RHOBTB2: variants seen among roughly 807,000 people sequenced by gnomAD.
The protein encoded by RHOBTB2 is rho-related BTB domain-containing protein 2.
Under a neutral mutation model 66.5 loss-of-function variants are expected in RHOBTB2, and 39 were observed. That is an observed-to-expected ratio of 0.59 (90% CI 0.45 to 0.77). The LOEUF (loss-of-function observed/expected upper bound fraction) is 0.77. Among genes scored for constraint, RHOBTB2 ranks in the 30% least tolerant of loss-of-function variants. The pLI is 0.00. For missense variants in RHOBTB2, 755 were observed against 999.1 expected (o/e 0.76, Z 3.29); for synonymous variants, 390 against 395.0 (o/e 0.99, Z 0.15).
chr8:22,969,327 T>C, the RHOBTB2 span, among the ~76,000 whole-genome samples: 1 of 152,112 alleles, frequency 6.6e-6, no homozygotes, highest in Non-Finnish European at 1.5e-5. Flanking sequence ...GGAGCTATAA[T>C]TCAAGATGAG....
chr8:22,960,573 C>A, the RHOBTB2 span, among the ~76,000 whole-genome samples: 6 of 152,180 alleles, frequency 3.9e-5, no homozygotes, highest in Non-Finnish European at 8.8e-5. Context: ...CTCACCTCAG[C>A]CTCCCAAAGT....
chr8:22,998,965 G>C (rs1467019437), upstream of RHOBTB2: 1 of 152,336 alleles, frequency 6.6e-6, no homozygotes, highest in African/African-American at 2.4e-5. Context: ...AACAGGAGGG[G>C]GATGGGATGG....
chr8:22,960,952 C>T, the RHOBTB2 span, among the ~76,000 whole-genome samples: 1 of 152,234 alleles, frequency 6.6e-6, no homozygotes, highest in Non-Finnish European at 1.5e-5. Context: ...TGATCCCCTA[C>T]TTGTTAGCCT....
upstream of RHOBTB2, among the ~76,000 whole-genome samples, chr8:22,997,781 G>A (rs1443508945): frequency 1.3e-5 from 2 of 152,154 alleles, no homozygotes; most frequent in Non-Finnish European, 2.9e-5. Flanking sequence ...GTGGGTGGAG[G>A]GAACAGGGTG....
At chr8:22,986,140 T>TTCTC (rs58840002), upstream of RHOBTB2, among the ~76,000 whole-genome samples, 395 of 148,002 alleles carry the variant, frequency 2.7e-3, 2 homozygotes, top group Middle Eastern at 3.5e-3. Context: ...GACGGTGGAC[T>TTCTC]TCTCTCTCTC....
the RHOBTB2 span, among the ~76,000 whole-genome samples, chr8:22,973,617 C>T: frequency 0.031 from 4,775 of 152,220 alleles, 239 homozygotes; most frequent in African/African-American, 0.11. Flanking sequence ...GTGCCCAGCC[C>T]GGGCCTGGCA....
rs1049481763 is a variant in RHOBTB2, at chr8:23,006,610, G to A, written c.483-118G>A. On this transcript the variant is annotated intron_variant, in intron 4 of 9. Transcript: ENST00000251822. The surrounding 1 kb of genome is among the most constrained non-coding windows in gnomAD (Gnocchi z 6.1). The stretch of plus-strand genomic sequence containing the variant: ...ATGGGATTTGGCCAGACAGAGCAGG[G>A]CAGGAGTGGGTGGGGATTGGCACCC... The A allele has an allele frequency of 4.2e-6, 4 of 961,394 alleles. No homozygotes were observed. In the African/African-American group the frequency reaches 6.5e-5, roughly 16 times the overall value. 59.6% of individuals were successfully genotyped at this position (961,394 alleles called of 1,614,324 possible).
At chr8:22,952,944 G>A in the RHOBTB2 span, among the ~76,000 whole-genome samples, 1 of 152,096 alleles carries the variant, frequency 6.6e-6, no homozygotes, top group African/African-American at 2.4e-5. Flanking sequence ...AGGAAGTAAA[G>A]TGCACTTGGA....
the RHOBTB2 span, among the ~76,000 whole-genome samples, chr8:22,974,796 G>C: frequency 9.9e-5 from 15 of 152,268 alleles, no homozygotes; most frequent in African/African-American, 3.4e-4. Context: ...CAGGTACTGT[G>C]CTCAGGTAGG....
At chr8:22,987,212 G>A (rs113917162), upstream of RHOBTB2, among the ~76,000 whole-genome samples, 1 of 152,224 alleles carries the variant, frequency 6.6e-6, no homozygotes, top group Non-Finnish European at 1.5e-5. Flanking sequence ...TGCCCTGAGG[G>A]CCAGGGGCTG....
chr8:22,957,025 T>C, the RHOBTB2 span, among the ~76,000 whole-genome samples: 2 of 152,226 alleles, frequency 1.3e-5, no homozygotes, highest in Non-Finnish European at 2.9e-5. Context: ...ATCCACACTG[T>C]AGTCAATGTT....
Position 23,004,499 on chromosome 8 carries a change from A to G in RHOBTB2, c.65A>G (p.Asp22Gly). 1 of 1,614,160 alleles carries G rather than the reference A, an allele frequency of 6.2e-7. No homozygotes were observed. Among genetic ancestry groups the G allele is most frequent in the Non-Finnish European group, 8.5e-7 (1 of 1,180,026 alleles). The change falls in exon 2 of 10, where the codon GAC becomes GGC. Residue 22 changes from aspartate (D) to glycine (G), a missense_variant. Physicochemically the swap from Asp to Gly is moderately conservative, Grantham distance 94 (BLOSUM62 -1). Transcript: ENST00000251822. This position sits in a 1 kb window ranked among gnomAD's most constrained non-coding sequence, Gnocchi z 6.4. ...VETIKCVVVG[D>G]NAVGKTRLIC... ...ACCATCAAGTGCGTTGTGGTGGGGG[A>G]CAACGCCGTGGGTAAGACCAGGCTC...
At chr8:23,010,038 G>A (rs1811090359) in intron 6 of RHOBTB2, among the ~76,000 whole-genome samples, 2 of 152,178 alleles carry the variant, frequency 1.3e-5, no homozygotes, top group African/African-American at 4.8e-5. Context: ...CTTCTGTTCT[G>A]TGCAGGGATG....
upstream of RHOBTB2, among the ~76,000 whole-genome samples, chr8:22,997,637 C>T (rs1267944207): frequency 1.1e-4 from 16 of 152,310 alleles, no homozygotes; most frequent in South Asian, 1.5e-3. Flanking sequence ...CGAGCAGCCA[C>T]CCTCTCCTGC....
At chr8:22,954,362 T>C in the RHOBTB2 span, among the ~76,000 whole-genome samples, 1 of 152,252 alleles carries the variant, frequency 6.6e-6, no homozygotes, top group Non-Finnish European at 1.5e-5. Flanking sequence ...TTTTAACGTA[T>C]GTATAGACAA....
At chr8:23,015,612 C>T (rs778626367) in intron 8 of RHOBTB2, 26 bp from the exon 9 acceptor site, 62 of 1,529,288 alleles carry the variant, frequency 4.1e-5, no homozygotes, top group African/African-American at 3.0e-4. Context: ...GATTTCAGTA[C>T]AGACGTTCTT....
the RHOBTB2 span, among the ~76,000 whole-genome samples, chr8:22,958,702 G>C: frequency 6.6e-6 from 1 of 151,320 alleles, no homozygotes; most frequent in African/African-American, 2.4e-5. Context: ...ATGGGAGGCT[G>C]AGGTGGGGAG....
chr8:22,955,118 G>A, the RHOBTB2 span, among the ~76,000 whole-genome samples: 1 of 152,132 alleles, frequency 6.6e-6, no homozygotes, highest in Admixed American at 6.5e-5. Flanking sequence ...GTGACAGAGT[G>A]AGACTCTGTC....
At chr8:22,995,480 G>T (rs1218811498), upstream of RHOBTB2, among the ~76,000 whole-genome samples, 2 of 152,214 alleles carry the variant, frequency 1.3e-5, no homozygotes, top group African/African-American at 4.8e-5. Flanking sequence ...CTTGCTGGAG[G>T]AAGTGATATC....
Sources: allele counts gnomAD v4.1 joint callset (sites outside exome capture counted in the v4.1 genomes callset), GRCh38; gene constraint gnomAD v4.1.1; non-coding constraint Gnocchi (gnomAD v3.1); transcripts MANE v1.5; gene names NCBI Gene and HGNC (gene_info 2026-07-23, HGNC 2026-07-21).